Variants in RAB10 observed in about 807,000 individuals in gnomAD.
RAB10 encodes RAB10, member RAS oncogene family.
RAB10 carries 5 observed loss-of-function variants against 25.7 expected under a neutral mutation model. The observed-to-expected ratio is 0.19, with a 90% CI of 0.10 to 0.41. The LOEUF (loss-of-function observed/expected upper bound fraction) is 0.41. Among genes scored for constraint, RAB10 ranks in the 10% least tolerant of loss-of-function variants. The pLI, the probability that RAB10 is intolerant of heterozygous loss-of-function variation, is 1.00. For synonymous variants in RAB10, 89 were observed against 86.4 expected, an observed-to-expected ratio of 1.03 and a Z score of -0.16; for missense variants, 103 against 245.8, an observed-to-expected ratio of 0.42 and a Z score of 3.89.
chr2:26,095,383 G>A (rs868784163), intron 1 of RAB10, among the ~76,000 whole-genome samples: 22 of 152,114 alleles, frequency 1.4e-4, no homozygotes, highest in African/African-American at 5.1e-4. Context: ...CAAGGTGGGC[G>A]GATCACGAGA....
intron 1 of RAB10, among the ~76,000 whole-genome samples, chr2:26,067,514 G>A (rs1255376477): frequency 2.6e-5 from 4 of 152,160 alleles, no homozygotes; most frequent in Admixed American, 2.6e-4. Context: ...CCATGGCACA[G>A]ATGATGGATG....
chr2:26,073,270 T>G (rs1666665805), intron 1 of RAB10, among the ~76,000 whole-genome samples: 1 of 152,258 alleles, frequency 6.6e-6, no homozygotes, highest in Admixed American at 6.5e-5. Context: ...GAGAAGGGGC[T>G]ATTAACCAGA....
intron 1 of RAB10, among the ~76,000 whole-genome samples, chr2:26,057,007 G>A (rs1666281306): frequency 6.6e-6 from 1 of 152,170 alleles, no homozygotes; most frequent in South Asian, 2.1e-4. Flanking sequence ...GTGAGTGGCA[G>A]CATTAGCTCT....
At chr2:26,057,620 T>TTTCTTTCTTTCATTCATTCATTCATTCA (rs146580967) in intron 1 of RAB10, among the ~76,000 whole-genome samples, 19 of 149,076 alleles carry the variant, frequency 1.3e-4, no homozygotes, top group African/African-American at 2.5e-4. Context: ...GGCAAGTTTC[T>TTTCTTTCTTTCATTCATTCATTCATTCA]TTCATTCATT....
chr2:26,104,802 A>C (rs937809157), intron 2 of RAB10, among the ~76,000 whole-genome samples: 4 of 144,670 alleles, frequency 2.8e-5, no homozygotes, highest in African/African-American at 7.8e-5. Flanking sequence ...CAGTGGCGCT[A>C]TCTCGGCTCA....
intron 2 of RAB10, among the ~76,000 whole-genome samples, chr2:26,099,535 T>TG (rs1667298299): frequency 3.6e-4 from 1 of 2,758 alleles, no homozygotes; most frequent in South Asian, 6.8e-3. Context: ...TTTTTGGGTT[T>TG]TTTTTTTTTT....
chr2:26,057,917 C>T (rs1666302268), intron 1 of RAB10, among the ~76,000 whole-genome samples: 1 of 152,164 alleles, frequency 6.6e-6, no homozygotes, highest in Admixed American at 6.5e-5. Flanking sequence ...AGCCACCATG[C>T]CCGGCCTAAA....
chr2:26,045,018 G>A (rs1248752604), intron 1 of RAB10, among the ~76,000 whole-genome samples: 3 of 150,646 alleles, frequency 2.0e-5, no homozygotes, highest in African/African-American at 7.3e-5. Flanking sequence ...GGAGGGGCAC[G>A]AATAGGTAAG....
chr2:26,038,815 G>A (rs1251844417), intron 1 of RAB10, among the ~76,000 whole-genome samples: 1 of 151,210 alleles, frequency 6.6e-6, no homozygotes, highest in Non-Finnish European at 1.5e-5. Context: ...CCAGCTGCTC[G>A]GGAGGCTGAG....
intron 1 of RAB10, among the ~76,000 whole-genome samples, chr2:26,070,165 T>C (rs1182619734): frequency 6.6e-6 from 1 of 152,250 alleles, no homozygotes; most frequent in African/African-American, 2.4e-5. Flanking sequence ...CGTCCTTGGC[T>C]TTATCACAGG....
At chr2:26,104,457 A>G (rs1272236582) in intron 2 of RAB10, among the ~76,000 whole-genome samples, 1 of 152,156 alleles carries the variant, frequency 6.6e-6, no homozygotes, top group Non-Finnish European at 1.5e-5. Flanking sequence ...GTTGTAAGTT[A>G]TTTGTATATT....
rs2149283796 is a variant in RAB10 at position 26,109,308 on chromosome 2, T to C, written c.189-460T>C. ...TGATGATACAAATGAGAGGGCATAG[T>C]TACAGGAGCAAAATACATCTTACAC... On this transcript the variant is annotated intron_variant, in intron 2 of 5. Transcript: ENST00000264710. 2.0e-5 allele frequency among the ~76,000 whole-genome samples: 3 copies of C among 152,318 alleles called. No homozygotes were observed. The South Asian group carries it at 6.2e-4, about 32-fold the overall frequency.
intron 1 of RAB10, among the ~76,000 whole-genome samples, chr2:26,051,384 A>C (rs1666130119): frequency 1.6e-5 from 1 of 60,930 alleles, no homozygotes; most frequent in African/African-American, 6.2e-5. Context: ...CCCCCGTTTT[A>C]TTGTAAATTT....
rs140839923 is a variant in RAB10, at chr2:26,085,928, G to A, written c.128-12734G>A. Among the ~76,000 whole-genome samples, 1,159 of 148,780 alleles carry A rather than the reference G, an allele frequency of 7.8e-3. 20 individuals carry two copies. Among genetic ancestry groups the A allele is most frequent in the African/African-American group, 0.027 (1,106 of 40,406 alleles). On this transcript the variant is annotated intron_variant, in intron 1 of 5. Transcript: ENST00000264710. ...ATAGGAGAATCACTTGAACCCAGGAGGCAGAGGTTTCAGTGAGCTGAGATC... is the reference window on the plus strand; with the variant it reads ...ATAGGAGAATCACTTGAACCCAGGAAGCAGAGGTTTCAGTGAGCTGAGATC...
At chr2:26,117,353 C>T (rs1175247605) in intron 3 of RAB10, among the ~76,000 whole-genome samples, 2 of 152,106 alleles carry the variant, frequency 1.3e-5, no homozygotes, top group Non-Finnish European at 2.9e-5. Context: ...GGGGCTCATG[C>T]TTGTAATCCC....
intron 1 of RAB10, among the ~76,000 whole-genome samples, chr2:26,095,040 T>C (rs1667182689): frequency 6.6e-6 from 1 of 152,212 alleles, no homozygotes; most frequent in African/African-American, 2.4e-5. Flanking sequence ...GAAGAAAGGA[T>C]TTGTACCTTC....
At chr2:26,056,095 T>C (rs889081227) in intron 1 of RAB10, among the ~76,000 whole-genome samples, 2 of 152,048 alleles carry the variant, frequency 1.3e-5, no homozygotes. Context: ...CTCTCTATGT[T>C]GTCTAGGCTA....
Position 26,136,396 on chromosome 2 carries a change from T to A in RAB10, c.*1375T>A, listed in dbSNP as rs571519029. ...ATTCAGAAATACTTTAGAATATTATTAATTTTAAGTCCTGTCTTTACATCC... is the reference window on the plus strand; with the variant it reads ...ATTCAGAAATACTTTAGAATATTATAAATTTTAAGTCCTGTCTTTACATCC... On this transcript the variant is annotated 3_prime_UTR_variant, in exon 6 of 6. Coordinates refer to ENST00000264710, the MANE Select transcript of RAB10 (RefSeq NM_016131.5). The A allele has an allele frequency of 2.0e-5, 3 of 152,744 alleles. No homozygotes were observed. The South Asian group carries it at 6.2e-4, about 32-fold the overall frequency. The allele number at this position is 152,744 out of a possible 1,614,324, so 9.5% of individuals were successfully genotyped here. A position where few individuals can be genotyped will look rare whatever the true frequency, so the allele number is the denominator to read the frequency against.
intron 3 of RAB10, among the ~76,000 whole-genome samples, chr2:26,125,537 C>A (rs1259257828): frequency 2.0e-5 from 3 of 149,954 alleles, no homozygotes; most frequent in Admixed American, 1.3e-4. Context: ...GCAGCCTCAA[C>A]TTCCCAGGCT....
Sources: gnomAD v4.1 joint callset for allele counts (sites outside exome capture counted in the v4.1 genomes callset) on GRCh38, gnomAD v4.1.1 for gene constraint, MANE v1.5 for transcripts, NCBI Gene and HGNC (gene_info 2026-07-23, HGNC 2026-07-21) for gene names.